Variants in HMGXB4 observed in about 807,000 individuals in gnomAD.
HMGXB4 encodes the protein HMG-box containing 4, also known as HMG domain-containing protein 4.
In HMGXB4, 27 loss-of-function variants were observed where a neutral mutation model predicts 63.9. That is an observed-to-expected ratio of 0.42 (90% CI 0.31 to 0.58). HMGXB4 has a LOEUF of 0.58. HMGXB4 is among the 20% of genes least tolerant of loss of function. HMGXB4 has a pLI of 0.13. For synonymous variants in HMGXB4, 264 were observed against 265.3 expected, an observed-to-expected ratio of 0.99 and a Z score of 0.05; for missense variants, 624 against 700.7, an observed-to-expected ratio of 0.89 and a Z score of 1.24.
Position 35,284,692 on chromosome 22 carries a change from C to A in HMGXB4, c.1297+649C>A, listed in dbSNP as rs1009004412. On this transcript the variant is annotated intron_variant, in intron 6 of 10. Transcript: ENST00000216106. ...CTAGAAGTACAGTTTTTACTGAGTG[C>A]ATATTGCTTTTGCATCCTTATAAAG... is the stretch of plus-strand genomic sequence containing the variant. 9.8e-5 allele frequency among the ~76,000 whole-genome samples: 15 copies of A among 152,320 alleles called. 1 individual carries two copies. The highest frequency in any genetic ancestry group is 3.6e-4 in the African/African-American group (15 of 41,564).
At chr22:35,273,009 A>G (rs1303911613) in intron 5 of HMGXB4, among the ~76,000 whole-genome samples, 13 of 152,194 alleles carry the variant, frequency 8.5e-5, no homozygotes, top group Admixed American at 8.5e-4. Flanking sequence ...TTTCCAAAAT[A>G]TGCACATTTT....
chr22:35,248,006 T>C, the HMGXB4 span, among the ~76,000 whole-genome samples: 1 of 152,116 alleles, frequency 6.6e-6, no homozygotes, highest in Admixed American at 6.5e-5. Context: ...CCAGGATACA[T>C]GGTATGGCCT....
upstream of HMGXB4, among the ~76,000 whole-genome samples, chr22:35,254,724 A>G (rs1204041054): frequency 6.6e-6 from 1 of 152,218 alleles, no homozygotes; most frequent in Non-Finnish European, 1.5e-5. Flanking sequence ...TACCTGCCAC[A>G]TGCTGTGTTT....
intron 5 of HMGXB4, among the ~76,000 whole-genome samples, chr22:35,276,951 A>C (rs1329995770): frequency 6.6e-6 from 1 of 152,236 alleles, no homozygotes; most frequent in Non-Finnish European, 1.5e-5. Flanking sequence ...TTTGGGTGCC[A>C]CAACTTCTAT....
At chr22:35,244,581 C>T in the HMGXB4 span, among the ~76,000 whole-genome samples, 1 of 152,318 alleles carries the variant, frequency 6.6e-6, no homozygotes, top group East Asian at 1.9e-4. Flanking sequence ...CATACTTATA[C>T]TGGTCCAAAC....
intron 1 of HMGXB4, among the ~76,000 whole-genome samples, chr22:35,259,379 C>A (rs1922693155): frequency 6.6e-6 from 1 of 152,192 alleles, no homozygotes; most frequent in African/African-American, 2.4e-5. Context: ...GGTTTTAACA[C>A]CTGTTTCACA....
At chr22:35,260,141 G>T (rs1441557488) in intron 1 of HMGXB4, among the ~76,000 whole-genome samples, 1 of 152,212 alleles carries the variant, frequency 6.6e-6, no homozygotes, top group Admixed American at 6.5e-5. Context: ...ACCAGCCTTT[G>T]CTTACATATA....
chr22:35,274,530 C>G (rs1389966761), intron 5 of HMGXB4, among the ~76,000 whole-genome samples: 1 of 152,148 alleles, frequency 6.6e-6, no homozygotes, highest in African/African-American at 2.4e-5. Context: ...CTATGTATCA[C>G]TGAATTTTCA....
At chr22:35,280,336 G>A (rs1443067233) in intron 5 of HMGXB4, among the ~76,000 whole-genome samples, 1 of 152,174 alleles carries the variant, frequency 6.6e-6, no homozygotes, top group Admixed American at 6.5e-5. Context: ...GTTTTGTAGG[G>A]AAACGAAATG....
At position 35,265,454 on chromosome 22, in the gene HMGXB4, G is replaced by A; in HGVS notation, c.1066G>A (p.Val356Ile). The A allele has an allele frequency of 2.5e-6, 4 of 1,614,088 alleles. No homozygotes were observed. The highest frequency in any genetic ancestry group is 2.5e-6 in the Non-Finnish European group (3 of 1,180,038). The change falls in exon 5 of 11, where the codon GTC becomes ATC. Residue 356 changes from valine (V) to isoleucine (I), a missense_variant. By Grantham distance (29) the Val-to-Ile change is conservative (BLOSUM62 3). Around this residue, in one of 2 missense-constraint regions of HMGXB4, gnomAD observed 472 missense variants for 470.6 expected, o/e 1.00. Transcript: ENST00000216106. The part of the protein sequence containing the change: ...LGLSAVPVGE[V>I]TVTSGPPPSI... Reference sequence around the variant, plus strand: ...ACTTTCTGCCGTGCCAGTGGGAGAGGTCACAGTGACATCTGGCCCTCCTCC... The same window carrying A: ...ACTTTCTGCCGTGCCAGTGGGAGAGATCACAGTGACATCTGGCCCTCCTCC...
chr22:35,242,698 T>A, the HMGXB4 span, among the ~76,000 whole-genome samples: 3 of 152,196 alleles, frequency 2.0e-5, no homozygotes, highest in African/African-American at 7.2e-5. Context: ...TTATCCAGGT[T>A]CTTGAGATGG....
chr22:35,284,462 A>G (rs1053739863), intron 6 of HMGXB4, among the ~76,000 whole-genome samples: 1 of 152,232 alleles, frequency 6.6e-6, no homozygotes, highest in African/African-American at 2.4e-5. Context: ...AAATACTGTA[A>G]GTCAAAAATG....
At chr22:35,242,385 T>G in the HMGXB4 span, among the ~76,000 whole-genome samples, 1 of 152,244 alleles carries the variant, frequency 6.6e-6, no homozygotes, top group East Asian at 1.9e-4. Context: ...ATTAAATAGT[T>G]GGTGTTTTTT....
At chr22:35,290,433 C>G (rs1480632004) in intron 9 of HMGXB4, among the ~76,000 whole-genome samples, 1 of 152,012 alleles carries the variant, frequency 6.6e-6, no homozygotes, top group Non-Finnish European at 1.5e-5. Flanking sequence ...ATCATGAGGT[C>G]AGGAGATCGA....
chr22:35,279,250 G>C (rs1646633554), intron 5 of HMGXB4, among the ~76,000 whole-genome samples: 1 of 134,212 alleles, frequency 7.5e-6, no homozygotes, highest in South Asian at 2.5e-4. Context: ...GGGTTTTCAA[G>C]CAATTCTCCT....
In HMGXB4 at chr22:35,265,219, C is replaced by T. The variant is rs574478294; in HGVS notation, c.831C>T (p.Ser277=). The change falls in exon 5 of 11, where the codon TCC becomes TCT. Residue 277 remains serine, a synonymous_variant. Transcript: ENST00000216106. Reference sequence around the variant, plus strand: ...CTGACGCCTCCCAGTTCGCAGAGTCCCACAGTGCTAACCTTGATCTTTCAG... The same window carrying T: ...CTGACGCCTCCCAGTTCGCAGAGTCTCACAGTGCTAACCTTGATCTTTCAG... ...CGSDASQFAE[S]HSANLDLSGL... The T allele has an allele frequency of 6.2e-7, 1 of 1,614,046 alleles. No homozygotes were observed. The highest frequency in any genetic ancestry group is 2.2e-5 in the East Asian group (1 of 44,872).
intron 5 of HMGXB4, among the ~76,000 whole-genome samples, chr22:35,272,866 G>A (rs564162689): frequency 4.6e-5 from 7 of 152,326 alleles, no homozygotes; most frequent in East Asian, 1.9e-4. Context: ...CCCGGGAGGC[G>A]GAGGTTGCAG....
intron 5 of HMGXB4, among the ~76,000 whole-genome samples, chr22:35,278,784 G>A (rs8142590): frequency 0.51 from 77,273 of 150,614 alleles, 22,676 homozygotes; most frequent in Non-Finnish European, 0.65. Flanking sequence ...GAGTAGCTGG[G>A]GCTACAAGCA....
chr22:35,250,729 C>T, the HMGXB4 span, among the ~76,000 whole-genome samples: 1 of 152,098 alleles, frequency 6.6e-6, no homozygotes, highest in Non-Finnish European at 1.5e-5. Flanking sequence ...CATGACATAA[C>T]ACTGAAGGGG....
Sources: gnomAD v4.1 joint callset for allele counts (sites outside exome capture counted in the v4.1 genomes callset) on GRCh38, gnomAD v4.1.1 for gene constraint, gnomAD v4.1.1 regional missense constraint, MANE v1.5 for transcripts, NCBI Gene and HGNC (gene_info 2026-07-23, HGNC 2026-07-21) for gene names.